Variants in TOMM34 observed in about 807,000 individuals in gnomAD.
TOMM34 encodes the protein mitochondrial import receptor subunit TOM34.
Under a neutral mutation model 37.4 loss-of-function variants are expected in TOMM34, and 24 were observed. That is an observed-to-expected ratio of 0.64 (90% confidence interval 0.46 to 0.90). TOMM34 has a LOEUF of 0.90. TOMM34 is among the 40% of genes least tolerant of loss of function. TOMM34 has a pLI of 0.00. For missense variants in TOMM34, 304 were observed against 375.6 expected (o/e 0.81, Z 1.58); for synonymous variants, 154 against 148.9 (o/e 1.03, Z -0.25).
intron 1 of TOMM34, chr20:44,959,958 G>C (rs1001166236): frequency 3.0e-6 from 3 of 985,334 alleles, no homozygotes; most frequent in South Asian, 4.7e-5. Context: ...TGCTGCGGGG[G>C]AGGAGGGTTT....
intron 3 of TOMM34, among the ~76,000 whole-genome samples, chr20:44,952,903 TCTC>T (rs1461578599): frequency 1.3e-5 from 2 of 152,080 alleles, no homozygotes; most frequent in Non-Finnish European, 2.9e-5. Context: ...AAACCTCTGC[TCTC>T]CTCAAACCTG....
rs769823961 is a variant in TOMM34, at chr20:44,942,321, G to A, written c.*788C>T. The A allele has an allele frequency of 1.2e-4, 19 of 152,188 alleles. No individual in the cohort carries two copies. The highest frequency in any genetic ancestry group is 2.6e-4 in the Non-Finnish European group (18 of 68,038). The allele number at this position is 152,188 out of a possible 1,614,324, so 9.4% of individuals were successfully genotyped here. ...CATATTACAAAGAACTATGAAGCCC[G>A]GAGAAGGCCACTGTTGGAACAAAAA... On this transcript the variant is annotated 3_prime_UTR_variant, in exon 7 of 7. Coordinates refer to ENST00000372813, the MANE Select transcript of TOMM34 (RefSeq NM_006809.5).
intron 6 of TOMM34, 35 bp from the exon 7 acceptor site, chr20:44,943,248 T>C: frequency 6.2e-7 from 1 of 1,611,822 alleles, no homozygotes; most frequent in Non-Finnish European, 8.5e-7. Flanking sequence ...TGGGGGAAGG[T>C]TCCCGGACTG....
intron 5 of TOMM34, among the ~76,000 whole-genome samples, chr20:44,947,819 A>G (rs1233892662): frequency 6.6e-6 from 1 of 152,200 alleles, no homozygotes; most frequent in African/African-American, 2.4e-5. Context: ...ATTTTATCTC[A>G]AGAGTTTGGA....
intron 4 of TOMM34, among the ~76,000 whole-genome samples, chr20:44,949,893 GTC>G (rs2067011972): frequency 6.6e-6 from 1 of 152,166 alleles, no homozygotes; most frequent in Non-Finnish European, 1.5e-5. Flanking sequence ...AGAAGAATAA[GTC>G]TGTGTATTCT....
chr20:44,949,271 C>T (rs1242245938), intron 4 of TOMM34, among the ~76,000 whole-genome samples: 2 of 152,160 alleles, frequency 1.3e-5, no homozygotes, highest in African/African-American at 2.4e-5. Context: ...TGGCTATTTT[C>T]AGGGTCAAAT....
At chr20:44,960,103 G>A in intron 1 of TOMM34, 104 bp downstream of exon 1, 1 of 1,440,380 alleles carries the variant, frequency 6.9e-7, no homozygotes, top group Non-Finnish European at 9.1e-7. Context: ...GGCTGGAAGG[G>A]TGGGAGGGCC....
At chr20:44,956,596 T>C in intron 1 of TOMM34, 111 bp from the exon 2 acceptor site, 2 of 1,003,902 alleles carry the variant, frequency 2.0e-6, no homozygotes, top group East Asian at 4.8e-5. Context: ...GCAGTAGAGA[T>C]AACTATAACC....
At position 44,951,966 on chromosome 20, in the gene TOMM34, C is replaced by T. The variant is rs1001066216; in HGVS notation, c.417G>A (p.Glu139=). ...GGATTGAGGGCAGCTTCAGGCGCCACTCAGGCCCAAGCGAGTCCATGAGAG... is the reference window on the plus strand; with the variant it reads ...GGATTGAGGGCAGCTTCAGGCGCCATTCAGGCCCAAGCGAGTCCATGAGAG... The part of the protein sequence containing the change: ...TRALMDSLGP[E]WRLKLPSIPL... The change falls in exon 4 of 7, where the codon GAG becomes GAA. Residue 139 remains glutamate, a synonymous_variant. Transcript: ENST00000372813. The T allele has an allele frequency of 1.2e-6, 2 of 1,614,020 alleles. No individual in the cohort carries two copies. The highest frequency in any genetic ancestry group is 1.7e-6 in the Non-Finnish European group (2 of 1,179,938).
At chr20:44,946,308 A>G (rs2066980705) in intron 5 of TOMM34, among the ~76,000 whole-genome samples, 1 of 152,366 alleles carries the variant, frequency 6.6e-6, no homozygotes, top group South Asian at 2.1e-4. Flanking sequence ...TCTAAAGACT[A>G]TATTTAAGAT....
At chr20:44,957,819 T>G (rs1005072107) in intron 1 of TOMM34, among the ~76,000 whole-genome samples, 2 of 151,864 alleles carry the variant, frequency 1.3e-5, no homozygotes, top group Non-Finnish European at 2.9e-5. Flanking sequence ...ATTTTTAAAG[T>G]TTTTGTAGAG....
At chr20:44,958,454 T>C in intron 1 of TOMM34, 1 of 466,656 alleles carries the variant, frequency 2.1e-6, no homozygotes, top group Non-Finnish European at 4.5e-6. Context: ...GAAACAGCAG[T>C]GGTGCGGTGG....
intron 1 of TOMM34, 30 bp from the exon 2 acceptor site, chr20:44,956,515 G>C (rs73108253): frequency 6.2e-7 from 1 of 1,611,560 alleles, no homozygotes; most frequent in African/African-American, 1.3e-5. Context: ...AAGATGATCA[G>C]TTTGGAAAAT....
Position 44,960,347 on chromosome 20 carries a change from CG to C in TOMM34, c.-15del. ...TTTGGGGGCCATCCCGTGGCCAGGC[CG>C]GCGAGTTGGGAGCTCCTTCCTTCCT... On this transcript the variant is annotated 5_prime_UTR_variant, in exon 1 of 7. Transcript: ENST00000372813. The C allele has an allele frequency of 6.4e-7, 1 of 1,555,138 alleles. No individual in the cohort carries two copies. Among genetic ancestry groups the C allele is most frequent in the Non-Finnish European group, 8.7e-7 (1 of 1,149,700 alleles).
intron 2 of TOMM34, 178 bp from the exon 3 acceptor site, chr20:44,955,398 G>A (rs2067063295): frequency 1.4e-6 from 1 of 734,336 alleles, no homozygotes; most frequent in East Asian, 2.7e-5. Flanking sequence ...AGACTGAAGT[G>A]AGGAGGAGAA....
At chr20:44,949,159 CT>C (rs1382369481) in intron 4 of TOMM34, among the ~76,000 whole-genome samples, 5 of 152,168 alleles carry the variant, frequency 3.3e-5, no homozygotes, top group Non-Finnish European at 7.3e-5. Context: ...AGGTTCTAGC[CT>C]TGGCACTGCC....
intron 3 of TOMM34, among the ~76,000 whole-genome samples, chr20:44,953,853 A>T (rs866474707): frequency 8.5e-5 from 13 of 152,228 alleles, no homozygotes; most frequent in Middle Eastern, 6.8e-3. Flanking sequence ...ATGGCAGCAA[A>T]GAGCTTTTCT....
At chr20:44,944,263 T>G (rs1228145136) in intron 5 of TOMM34, among the ~76,000 whole-genome samples, 1 of 152,146 alleles carries the variant, frequency 6.6e-6, no homozygotes, top group Admixed American at 6.6e-5. Flanking sequence ...CATCTGTGGG[T>G]TCAAAAAAGT....
At chr20:44,958,117 C>CATGTATATATATGTAT (rs140329044) in intron 1 of TOMM34, among the ~76,000 whole-genome samples, 9,400 of 146,258 alleles carry the variant, frequency 0.064, 556 homozygotes, top group African/African-American at 0.14. Context: ...TATACATGTA[C>CATGTATATATATGTAT]ATGTATATAT....
Sources: allele counts gnomAD v4.1 joint callset (sites outside exome capture counted in the v4.1 genomes callset), GRCh38; gene constraint gnomAD v4.1.1; transcripts MANE v1.5; gene names NCBI Gene and HGNC (gene_info 2026-07-23, HGNC 2026-07-21).